The following SENP7 variants were observed in gnomAD, a reference collection of about 807,000 sequenced individuals.
SENP7 encodes sentrin-specific protease 7.
SENP7 carries 64 observed loss-of-function variants against 141.2 expected under a neutral mutation model. That is an observed-to-expected ratio of 0.45 (90% CI 0.37 to 0.56). The LOEUF (loss-of-function observed/expected upper bound fraction) is 0.56, where lower values mean the gene tolerates loss of function less well. Ranked by LOEUF, SENP7 falls within the 20% of genes least tolerant of loss-of-function variation. The pLI is 0.00. For synonymous variants in SENP7, 382 were observed against 426.4 expected, an observed-to-expected ratio of 0.90 and a Z score of 1.28; for missense variants, 1,025 against 1,212.2, an observed-to-expected ratio of 0.85 and a Z score of 2.29.
intron 4 of SENP7, among the ~76,000 whole-genome samples, chr3:101,453,949 A>G (rs2063254473): frequency 1.3e-5 from 2 of 152,182 alleles, no homozygotes; most frequent in African/African-American, 2.4e-5. Context: ...GGAAATGGCA[A>G]ACAAAACCAC....
intron 11 of SENP7, among the ~76,000 whole-genome samples, chr3:101,361,169 C>G (rs541461957): frequency 1.3e-5 from 2 of 151,472 alleles, no homozygotes; most frequent in African/African-American, 2.4e-5. Context: ...CAGTGGAGTG[C>G]GCCCCTGCAC....
At chr3:101,429,095 C>T (rs2062066021) in intron 4 of SENP7, among the ~76,000 whole-genome samples, 1 of 152,086 alleles carries the variant, frequency 6.6e-6, no homozygotes, top group African/African-American at 2.4e-5. Flanking sequence ...TTACTGTAGC[C>T]TTGTAGTATA....
At chr3:101,352,697 C>A (rs2059643289) in intron 11 of SENP7, among the ~76,000 whole-genome samples, 1 of 151,952 alleles carries the variant, frequency 6.6e-6, no homozygotes, top group Non-Finnish European at 1.5e-5. Context: ...TTGTTCAATA[C>A]ATTTTGTTGA....
intron 6 of SENP7, among the ~76,000 whole-genome samples, chr3:101,387,659 T>G (rs1343710175): frequency 6.6e-6 from 1 of 152,224 alleles, no homozygotes; most frequent in Non-Finnish European, 1.5e-5. Context: ...CCACAGCCAC[T>G]GCCTGTGCAC....
At chr3:101,429,502 G>A (rs1421812625) in intron 4 of SENP7, among the ~76,000 whole-genome samples, 1 of 152,112 alleles carries the variant, frequency 6.6e-6, no homozygotes, top group African/African-American at 2.4e-5. Flanking sequence ...TCAGTTATTG[G>A]TGTATAGGAA....
chr3:101,442,246 C>G (rs1339057091), intron 4 of SENP7, among the ~76,000 whole-genome samples: 1 of 152,130 alleles, frequency 6.6e-6, no homozygotes, highest in Non-Finnish European at 1.5e-5. Context: ...TTATCTAAGG[C>G]AGCGATCCCC....
intron 11 of SENP7, among the ~76,000 whole-genome samples, chr3:101,354,828 T>C (rs1213292986): frequency 1.3e-5 from 2 of 152,170 alleles, no homozygotes; most frequent in Non-Finnish European, 2.9e-5. Context: ...CTTTCCACAA[T>C]GATTGAACTA....
At chr3:101,495,191 G>T (rs1004005226) in intron 2 of SENP7, among the ~76,000 whole-genome samples, 1 of 151,990 alleles carries the variant, frequency 6.6e-6, no homozygotes, top group Admixed American at 6.6e-5. Context: ...AAATCAAAAC[G>T]ACAACGAGAC....
At chr3:101,342,609 T>C (rs1308561140) in intron 14 of SENP7, among the ~76,000 whole-genome samples, 7 of 152,210 alleles carry the variant, frequency 4.6e-5, no homozygotes, top group Non-Finnish European at 8.8e-5. Context: ...TTTCCATTAA[T>C]ATCCTTTTTC....
chr3:101,466,447 GAT>G (rs1193246547), intron 3 of SENP7, among the ~76,000 whole-genome samples: 1 of 152,128 alleles, frequency 6.6e-6, no homozygotes, highest in East Asian at 1.9e-4. Flanking sequence ...GGCATATGAT[GAT>G]ATATTACAAG....
chr3:101,349,022 G>A (rs1405604569), intron 12 of SENP7, among the ~76,000 whole-genome samples: 1 of 152,122 alleles, frequency 6.6e-6, no homozygotes, highest in East Asian at 1.9e-4. Flanking sequence ...AGCAACATCT[G>A]GAAGACTGTT....
intron 2 of SENP7, among the ~76,000 whole-genome samples, chr3:101,500,438 T>G (rs1352624169): frequency 2.0e-5 from 3 of 151,908 alleles, no homozygotes; most frequent in Non-Finnish European, 4.4e-5. Flanking sequence ...ATCCCTGTAT[T>G]CCCAGCTACA....
intron 4 of SENP7, among the ~76,000 whole-genome samples, chr3:101,442,332 C>A (rs2062708444): frequency 6.6e-6 from 1 of 152,182 alleles, no homozygotes; most frequent in Non-Finnish European, 1.5e-5. Flanking sequence ...GGAGTATGGA[C>A]TGTTTTAGGA....
intron 3 of SENP7, among the ~76,000 whole-genome samples, chr3:101,490,082 G>A (rs988837486): frequency 1.3e-5 from 2 of 152,022 alleles, no homozygotes; most frequent in Admixed American, 6.6e-5. Context: ...TACTCGGGAG[G>A]CTGTGGTGGG....
intron 3 of SENP7, among the ~76,000 whole-genome samples, chr3:101,490,746 T>C (rs892533580): frequency 6.6e-6 from 1 of 152,132 alleles, no homozygotes; most frequent in African/African-American, 2.4e-5. Context: ...CTAAAGACTA[T>C]GGAAAGGGGC....
At chr3:101,448,965 TTA>T in intron 4 of SENP7, among the ~76,000 whole-genome samples, 1 of 151,482 alleles carries the variant, frequency 6.6e-6, no homozygotes, top group Admixed American at 6.6e-5. Context: ...GGAAAAGAAG[TTA>T]AAAACCTTGA....
chr3:101,435,139 T>A (rs2062334708), intron 4 of SENP7, among the ~76,000 whole-genome samples: 3 of 152,042 alleles, frequency 2.0e-5, no homozygotes, highest in Non-Finnish European at 4.4e-5. Flanking sequence ...TCAACATGAT[T>A]CATCATATCA....
Position 101,366,552 on chromosome 3 carries a change from G to A in SENP7, c.1196C>T (p.Ser399Phe), listed in dbSNP as rs868282844. The A allele has an allele frequency of 6.2e-7, 1 of 1,613,764 alleles. No homozygotes were observed. The highest frequency in any genetic ancestry group is 8.5e-7 in the Non-Finnish European group (1 of 1,179,742). Reference sequence around the variant, plus strand: ...GGAAGAAATCCCCACAATATCAATGGAATTAGAGTTCTCAACGGTTTCAGT... The same window carrying A: ...GGAAGAAATCCCCACAATATCAATGAAATTAGAGTTCTCAACGGTTTCAGT... ...STTETVENSN[S>F]IDIVGISSLV... The change falls in exon 9 of 24, where the codon TCC becomes TTC. Residue 399 changes from serine (S) to phenylalanine (F), a missense_variant. Ser to Phe is a radical substitution (Grantham distance 155). This residue lies in a region of SENP7 where 496 missense variants were observed against 503.5 expected (regional missense o/e 0.99). Transcript: ENST00000394095.
intron 3 of SENP7, among the ~76,000 whole-genome samples, chr3:101,473,556 C>T (rs911577028): frequency 3.3e-5 from 5 of 152,056 alleles, no homozygotes. Context: ...CTTGTTCATG[C>T]CCCCCTTGGC....
Sources: allele counts gnomAD v4.1 joint callset (sites outside exome capture counted in the v4.1 genomes callset), GRCh38; gene constraint gnomAD v4.1.1; regional missense constraint gnomAD v4.1.1; transcripts MANE v1.5; gene names NCBI Gene and HGNC (gene_info 2026-07-23, HGNC 2026-07-21).